CACHD1: variants seen among roughly 807,000 people sequenced by gnomAD.
The protein encoded by CACHD1 is cache domain containing 1.
CACHD1 carries 71 observed loss-of-function variants against 138.7 expected under a neutral mutation model. That is an observed-to-expected ratio of 0.51 (90% CI 0.42 to 0.62). The LOEUF (loss-of-function observed/expected upper bound fraction) is 0.62. CACHD1 is among the 20% of genes least tolerant of loss of function. The pLI is 0.00. For missense variants in CACHD1, 1,389 were observed against 1,625.3 expected, an observed-to-expected ratio of 0.85 and a Z score of 2.50; for synonymous variants, 578 against 591.5, an observed-to-expected ratio of 0.98 and a Z score of 0.33.
intron 15 of CACHD1, 44 bp from the exon 16 acceptor site, chr1:64,666,012 AT>A: frequency 1.6e-6 from 2 of 1,213,778 alleles, no homozygotes; most frequent in Non-Finnish European, 2.4e-6. Flanking sequence ...CTCAAAAAAA[AT>A]AAATAAAAAA....
intron 3 of CACHD1, among the ~76,000 whole-genome samples, chr1:64,591,650 A>T (rs1009620068): frequency 2.6e-5 from 4 of 152,246 alleles, no homozygotes; most frequent in African/African-American, 9.6e-5. Context: ...TGAGACCTGA[A>T]CTTTAAGGGA....
intron 9 of CACHD1, among the ~76,000 whole-genome samples, chr1:64,648,562 G>A (rs1296748827): frequency 6.6e-6 from 1 of 152,032 alleles, no homozygotes; most frequent in Non-Finnish European, 1.5e-5. Flanking sequence ...GTTAATCTAG[G>A]ATTACCTAGA....
intron 7 of CACHD1, among the ~76,000 whole-genome samples, chr1:64,640,022 C>T (rs541279077): frequency 1.3e-5 from 2 of 152,358 alleles, no homozygotes; most frequent in Non-Finnish European, 1.5e-5. Context: ...TTCCTTGCCT[C>T]TCCATAGGAC....
intron 8 of CACHD1, among the ~76,000 whole-genome samples, chr1:64,643,749 A>G (rs995721814): frequency 9.9e-5 from 15 of 152,214 alleles, no homozygotes; most frequent in African/African-American, 2.9e-4. Flanking sequence ...GAGGCAGGAG[A>G]AAGGCTAGAA....
intron 1 of CACHD1, among the ~76,000 whole-genome samples, chr1:64,508,794 G>A (rs758440030): frequency 4.6e-5 from 7 of 152,110 alleles, no homozygotes; most frequent in Non-Finnish European, 8.8e-5. Context: ...GCTTACTGCC[G>A]CAGGCTGTTT....
At chr1:64,601,296 G>C (rs890544948) in intron 3 of CACHD1, among the ~76,000 whole-genome samples, 3 of 152,184 alleles carry the variant, frequency 2.0e-5, no homozygotes, top group Non-Finnish European at 4.4e-5. Context: ...AGCATAGAGA[G>C]AAGTGAGATT....
At chr1:64,629,619 C>T (rs1648231728) in intron 5 of CACHD1, 138 bp downstream of exon 5, 2 of 1,082,766 alleles carry the variant, frequency 1.8e-6, no homozygotes, top group African/African-American at 3.2e-5. Context: ...GAAATGAATT[C>T]ACCATTTAGT....
chr1:64,584,384 T>G (rs1387010010), intron 3 of CACHD1, among the ~76,000 whole-genome samples: 1 of 152,182 alleles, frequency 6.6e-6, no homozygotes, highest in Admixed American at 6.5e-5. Context: ...CATAAATTCC[T>G]AAGTAGAACT....
intron 4 of CACHD1, among the ~76,000 whole-genome samples, chr1:64,610,685 C>T (rs571012404): frequency 3.5e-4 from 54 of 152,348 alleles, no homozygotes; most frequent in African/African-American, 5.5e-4. Context: ...GCTCCTATCA[C>T]GGGCTAGCCT....
chr1:64,590,280 G>A (rs11208473), intron 3 of CACHD1, among the ~76,000 whole-genome samples: 28,725 of 144,574 alleles, frequency 0.2, 2,928 homozygotes, highest in Admixed American at 0.32. Flanking sequence ...CAAGATCGGC[G>A]CCACGGCACT....
chr1:64,674,294 C>A (rs1340604110), intron 19 of CACHD1, among the ~76,000 whole-genome samples: 1 of 152,130 alleles, frequency 6.6e-6, no homozygotes, highest in African/African-American at 2.4e-5. Context: ...CCTGTTCAGA[C>A]CCCATACCAT....
Position 64,602,912 on chromosome 1 carries a change from G to A in CACHD1, c.517G>A (p.Val173Ile), listed in dbSNP as rs1244677465. The A allele has an allele frequency of 6.3e-7, 1 of 1,594,620 alleles. No homozygotes were observed. The highest frequency in any genetic ancestry group is 1.1e-5 in the South Asian group (1 of 90,628). The change falls in exon 4 of 27, where the codon GTT becomes ATT. Residue 173 changes from valine (V) to isoleucine (I), a missense_variant and splice_region_variant. By Grantham distance (29) the Val-to-Ile change is conservative. This residue lies in a region of CACHD1 where 1,000 missense variants were observed against 1,114.7 expected (regional missense o/e 0.90). Transcript: ENST00000651257. ...AFNPGRDLNS[V>I]LADNLKSNPG... is the part of the protein sequence containing the mutation. The stretch of plus-strand genomic sequence containing the variant: ...CAATCCAGGACGAGACTTAAATTCA[G>A]GTCAGTAATCCATTGGCTTTATAAA...
chr1:64,534,136 TG>T (rs1180640076), intron 1 of CACHD1, among the ~76,000 whole-genome samples: 2 of 151,228 alleles, frequency 1.3e-5, no homozygotes, highest in Non-Finnish European at 2.9e-5. Flanking sequence ...CCCTGCCTCC[TG>T]GGTTGCAGAA....
chr1:64,664,444 C>T (rs1301524822), intron 14 of CACHD1, 54 bp from the exon 15 acceptor site: 3 of 1,550,092 alleles, frequency 1.9e-6, no homozygotes, highest in African/African-American at 2.7e-5. Flanking sequence ...GCAGCCCACT[C>T]TCTTTTCATG....
At position 64,692,956 on chromosome 1, in the gene CACHD1, T is replaced by A. The variant is rs1650610805; in HGVS notation, c.*1395T>A. 1 of 152,672 alleles carries A rather than the reference T, an allele frequency of 6.5e-6. No individual in the cohort carries two copies. The highest frequency in any genetic ancestry group is 2.1e-4 in the South Asian group (1 of 4,836). The allele number at this position is 152,672 out of a possible 1,614,324, so 9.5% of individuals were successfully genotyped here. A position where few individuals can be genotyped will look rare whatever the true frequency, so the allele number is the denominator to read the frequency against. On this transcript the variant is annotated 3_prime_UTR_variant, in exon 27 of 27. Coordinates refer to ENST00000651257, the MANE Select transcript of CACHD1 (RefSeq NM_020925.4). ...TACAATGTAAAAAACAATTGGTTCT[T>A]CAGCAGTACAGAAAGTAAACTATAT...
chr1:64,670,112 G>A (rs572070457), intron 16 of CACHD1, among the ~76,000 whole-genome samples: 1 of 152,262 alleles, frequency 6.6e-6, no homozygotes, highest in East Asian at 1.9e-4. Context: ...CAACTTCATG[G>A]TATATGCTTT....
intron 1 of CACHD1, among the ~76,000 whole-genome samples, chr1:64,491,430 G>A (rs1482525283): frequency 6.6e-6 from 1 of 152,126 alleles, no homozygotes; most frequent in Non-Finnish European, 1.5e-5. Context: ...GAAGGCAAAG[G>A]GGAAGCAAGG....
At chr1:64,675,659 G>A in intron 20 of CACHD1, 98 bp downstream of exon 20, 1 of 1,400,716 alleles carries the variant, frequency 7.1e-7, no homozygotes, top group South Asian at 1.4e-5. Flanking sequence ...GAAAGTGCTG[G>A]TGTGTGTCCT....
chr1:64,543,398 A>AATAC (rs1557484835), intron 1 of CACHD1, among the ~76,000 whole-genome samples: 1 of 53,072 alleles, frequency 1.9e-5, no homozygotes, highest in Non-Finnish European at 3.5e-5. Context: ...TCTAAAAAAA[A>AATAC]ATACATATAT....
Sources: allele counts gnomAD v4.1 joint callset (sites outside exome capture counted in the v4.1 genomes callset), GRCh38; gene constraint gnomAD v4.1.1; regional missense constraint gnomAD v4.1.1; transcripts MANE v1.5; gene names NCBI Gene and HGNC (gene_info 2026-07-23, HGNC 2026-07-21).